The following SLC7A8 variants were observed in gnomAD, a reference collection of about 807,000 sequenced individuals.
SLC7A8 encodes large neutral amino acids transporter small subunit 2.
A neutral mutation model predicts 51.2 loss-of-function variants in SLC7A8; 30 were observed. The observed-to-expected ratio is 0.59, with a 90% CI of 0.44 to 0.80. The LOEUF (loss-of-function observed/expected upper bound fraction) is 0.80. Ranked by LOEUF, SLC7A8 falls within the 30% of genes least tolerant of loss-of-function variation. The pLI, the probability that SLC7A8 is intolerant of heterozygous loss-of-function variation, is 0.00. For synonymous variants in SLC7A8, 257 were observed against 275.8 expected (o/e 0.93, Z 0.67); for missense variants, 612 against 674.4 (o/e 0.91, Z 1.03).
At chr14:23,167,611 T>A (rs1163594306) in intron 1 of SLC7A8, among the ~76,000 whole-genome samples, 1 of 151,950 alleles carries the variant, frequency 6.6e-6, no homozygotes, top group African/African-American at 2.4e-5. Context: ...CTGACATGCT[T>A]CCTCCCAAAT....
intron 3 of SLC7A8, among the ~76,000 whole-genome samples, chr14:23,149,948 G>A (rs1467197600): frequency 6.6e-6 from 1 of 152,168 alleles, no homozygotes; most frequent in Non-Finnish European, 1.5e-5. Context: ...TGTAGCCTAG[G>A]TGTGTAGTAG....
intron 4 of SLC7A8, 95 bp from the exon 5 acceptor site, chr14:23,140,719 G>T: frequency 8.2e-7 from 1 of 1,225,248 alleles, no homozygotes; most frequent in Non-Finnish European, 1.1e-6. Context: ...CCCTCCCTGT[G>T]GCAATGACAC....
rs2140299929 is a variant in SLC7A8 at position 23,128,831 on chromosome 14, G to C, written c.1264-635C>G. On this transcript the variant is annotated intron_variant, in intron 9 of 10. Transcript: ENST00000316902. This position sits in a 1 kb window ranked among gnomAD's most constrained non-coding sequence, Gnocchi z 4.3. ...GGGATGTGTGTGGTGGGGACATGGG[G>C]TTATTCTACCTCCTCTTCCCTCTAG... 6.6e-6 allele frequency among the ~76,000 whole-genome samples: 1 copy of C among 152,304 alleles called. No individual in the cohort carries two copies. The highest frequency in any genetic ancestry group is 2.1e-4 in the South Asian group (1 of 4,834).
At chr14:23,135,748 A>T (rs759915339) in intron 7 of SLC7A8, among the ~76,000 whole-genome samples, 1 of 152,152 alleles carries the variant, frequency 6.6e-6, no homozygotes. Context: ...TGTTCCTAGC[A>T]TAAAGAAAAG....
rs2048881667 is a variant in SLC7A8, at chr14:23,155,082, G to A, written c.508+10203C>T. ...CAGCTTCTATAAAGTGCACAGTGGG[G>A]AGTGTGGTTTTGAAACAGATCTTGC... On this transcript the variant is annotated intron_variant, in intron 3 of 10. Coordinates refer to ENST00000316902, the MANE Select transcript of SLC7A8 (RefSeq NM_012244.4). 11 of 1,228,422 alleles carry A rather than the reference G, an allele frequency of 9.0e-6. No individual in the cohort carries two copies. In the Middle Eastern group the frequency reaches 1.1e-3, roughly 127 times the overall value. The allele number at this position is 1,228,422 out of a possible 1,614,324, so 76.1% of individuals were successfully genotyped here.
intron 3 of SLC7A8, among the ~76,000 whole-genome samples, chr14:23,153,825 T>C (rs888544872): frequency 2.6e-5 from 4 of 152,096 alleles, no homozygotes; most frequent in Admixed American, 2.6e-4. Flanking sequence ...TGGTTTTCCT[T>C]TAACATTTCC....
intron 1 of SLC7A8, among the ~76,000 whole-genome samples, chr14:23,176,607 G>A (rs1876930177): frequency 6.6e-6 from 1 of 152,082 alleles, no homozygotes. Context: ...TTGTTGGGAA[G>A]ATTGAATAAA....
intron 7 of SLC7A8, among the ~76,000 whole-genome samples, chr14:23,133,818 T>C (rs2083858221): frequency 1.3e-5 from 2 of 151,940 alleles, no homozygotes; most frequent in African/African-American, 4.8e-5. Flanking sequence ...AGTGAAACTC[T>C]GTCTCAAAGA....
In SLC7A8 at chr14:23,166,411, G is replaced by A. The variant is rs1293719789; in HGVS notation, c.281C>T (p.Ala94Val). ...TTTGGGGATGGTGACCCCGAGTTCA[G>A]CATAGCAGAGGGCTCCCACAACTGT... ...FITVVGALCY[A>V]ELGVTIPKSG... Residue 94 changes from alanine to valine, a missense_variant, in exon 2 of 11, where the codon GCT becomes GTT. Ala to Val is a moderately conservative substitution (Grantham distance 64). Coordinates refer to ENST00000316902, the MANE Select transcript of SLC7A8 (RefSeq NM_012244.4). 5 of 1,614,082 alleles carry A rather than the reference G, an allele frequency of 3.1e-6. No individual in the cohort carries two copies. The highest frequency in any genetic ancestry group is 4.2e-6 in the Non-Finnish European group (5 of 1,180,048).
chr14:23,129,665 GA>G lies in SLC7A8; in HGVS notation c.1247del (p.Ile416ThrfsTer42), dbSNP rs1566354214. On this transcript the variant is annotated frameshift_variant, in exon 9 of 11. Coordinates refer to ENST00000316902, the MANE Select transcript of SLC7A8 (RefSeq NM_012244.4). LOFTEE classifies it high-confidence loss of function. ...TTTCTCTCACCTTGATGGGGCGGGG[GA>G]TATCAGGCTTCTTCCAGCGAAGGAC... ...QIVLRWKKPD[I>X]PRPIKINLLF... The G allele has an allele frequency of 1.2e-6, 2 of 1,614,074 alleles. No homozygotes were observed. Among genetic ancestry groups the G allele is most frequent in the African/African-American group, 1.3e-5 (1 of 74,926 alleles).
chr14:23,177,237 A>G (rs1180925365), intron 1 of SLC7A8, among the ~76,000 whole-genome samples: 1 of 152,238 alleles, frequency 6.6e-6, no homozygotes, highest in Non-Finnish European at 1.5e-5. Flanking sequence ...AGATTTCTCC[A>G]TATGTAGTGA....
chr14:23,145,457 G>A (rs1234971823), intron 3 of SLC7A8, among the ~76,000 whole-genome samples: 1 of 150,954 alleles, frequency 6.6e-6, no homozygotes, highest in African/African-American at 2.4e-5. Flanking sequence ...TACCCGGGAG[G>A]CGGAGGTTGC....
At chr14:23,143,580 C>G (rs770631662) in intron 3 of SLC7A8, among the ~76,000 whole-genome samples, 3 of 152,146 alleles carry the variant, frequency 2.0e-5, no homozygotes, top group Non-Finnish European at 4.4e-5. Flanking sequence ...CAGGAAGCCA[C>G]CTTCCTGAGC....
At chr14:23,177,951 A>AT (rs1876994168) in intron 1 of SLC7A8, among the ~76,000 whole-genome samples, 1 of 152,236 alleles carries the variant, frequency 6.6e-6, no homozygotes. Context: ...CCTTTAGGAG[A>AT]TAAAAATAGA....
intron 10 of SLC7A8, among the ~76,000 whole-genome samples, chr14:23,127,718 A>G (rs907221276): frequency 1.2e-4 from 18 of 152,206 alleles, no homozygotes; most frequent in Admixed American, 6.5e-5. Context: ...CCTGGGCTCA[A>G]GTGATCCTCT....
chr14:23,155,458 C>T lies in SLC7A8; in HGVS notation c.508+9827G>A, dbSNP rs573220883. ...AGCTGGGGTTTCTGCTGAATCACCA[C>T]CCAGTATTTAGCTCAGCCAAGAGGC... On this transcript the variant is annotated intron_variant, in intron 3 of 10. Transcript: ENST00000316902. 9 of 1,429,414 alleles carry T rather than the reference C, an allele frequency of 6.3e-6. No individual in the cohort carries two copies. The East Asian group carries it at 2.3e-4, about 36-fold the overall frequency. 88.5% of individuals were successfully genotyped at this position (1,429,414 alleles called of 1,614,324 possible). A position where few individuals can be genotyped will look rare whatever the true frequency, so the allele number is the denominator to read the frequency against.
intron 1 of SLC7A8, among the ~76,000 whole-genome samples, chr14:23,174,153 C>T (rs1436746685): frequency 6.6e-6 from 1 of 152,212 alleles, no homozygotes; most frequent in Non-Finnish European, 1.5e-5. Context: ...TTTCTGCTTT[C>T]AATATCAGGG....
intron 3 of SLC7A8, among the ~76,000 whole-genome samples, chr14:23,145,754 A>G (rs1307719163): frequency 4.6e-5 from 7 of 152,124 alleles, no homozygotes; most frequent in African/African-American, 1.7e-4. Context: ...CAGGAACCCC[A>G]TCAAAAGGAG....
At chr14:23,163,623 G>T (rs2048935154) in intron 3 of SLC7A8, among the ~76,000 whole-genome samples, 1 of 152,142 alleles carries the variant, frequency 6.6e-6, no homozygotes, top group Admixed American at 6.5e-5. Flanking sequence ...CCCGTAACAG[G>T]ACAGAAGGAA....
Sources: allele counts gnomAD v4.1 joint callset (sites outside exome capture counted in the v4.1 genomes callset), GRCh38; gene constraint gnomAD v4.1.1; non-coding constraint Gnocchi (gnomAD v3.1); transcripts MANE v1.5; gene names NCBI Gene and HGNC (gene_info 2026-07-23, HGNC 2026-07-21).